The following KIAA0825 variants were observed in gnomAD, a reference collection of about 807,000 sequenced individuals.
KIAA0825 encodes KIAA0825.
A neutral mutation model predicts 147.6 loss-of-function variants in KIAA0825; 119 were observed. The ratio of observed to expected loss-of-function variants is 0.81; its 90% CI spans 0.69 to 0.94. KIAA0825 has a LOEUF of 0.94. Ranked by LOEUF, KIAA0825 falls within the 40% of genes least tolerant of loss-of-function variation. The pLI, the probability that KIAA0825 is intolerant of heterozygous loss-of-function variation, is 0.00. For missense variants in KIAA0825, 1,381 were observed against 1,472.7 expected, an observed-to-expected ratio of 0.94 and a Z score of 1.02; for synonymous variants, 470 against 518.1, an observed-to-expected ratio of 0.91 and a Z score of 1.26.
At chr5:94,421,337 A>G (rs1263553744) in intron 14 of KIAA0825, among the ~76,000 whole-genome samples, 4 of 152,246 alleles carry the variant, frequency 2.6e-5, no homozygotes, top group African/African-American at 4.8e-5. Flanking sequence ...TTCCAGCCAC[A>G]CTGCTTTTTA....
intron 13 of KIAA0825, among the ~76,000 whole-genome samples, chr5:94,440,710 T>C (rs564761390): frequency 1.3e-5 from 2 of 152,156 alleles, no homozygotes; most frequent in South Asian, 4.1e-4. Context: ...AGGGAAAGAA[T>C]TCCGAGGCAA....
intron 20 of KIAA0825, among the ~76,000 whole-genome samples, chr5:94,365,067 G>C (rs569606069): frequency 1.3e-5 from 2 of 152,082 alleles, no homozygotes; most frequent in Non-Finnish European, 2.9e-5. Flanking sequence ...TAGGGTGGGC[G>C]GCTATGTAAA....
At chr5:94,405,491 C>T (rs1486286227) in intron 15 of KIAA0825, among the ~76,000 whole-genome samples, 1 of 152,144 alleles carries the variant, frequency 6.6e-6, no homozygotes, top group Non-Finnish European at 1.5e-5. Context: ...GAAACAAGGT[C>T]TCCAGATAAA....
intron 20 of KIAA0825, among the ~76,000 whole-genome samples, chr5:94,234,836 T>G (rs1454039253): frequency 1.3e-5 from 2 of 152,166 alleles, no homozygotes; most frequent in South Asian, 2.1e-4. Flanking sequence ...CAATTCGACA[T>G]GAGATCTGGG....
Position 94,346,853 on chromosome 5 carries a change from C to A in KIAA0825, c.3710+37515G>T, listed in dbSNP as rs771844261. ...AGGGCACAAATCCAGCGTGCGTACT[C>A]CACAGGTGGGGGACGAACCAAGCCC... On this transcript the variant is annotated intron_variant, in intron 20 of 20. Transcript: ENST00000682413. Among the ~76,000 whole-genome samples, 12 of 152,330 alleles carry A rather than the reference C, an allele frequency of 7.9e-5. No homozygotes were observed. The South Asian group carries it at 2.5e-3, about 32-fold the overall frequency.
At chr5:94,583,426 C>A (rs1218569654) in intron 1 of KIAA0825, among the ~76,000 whole-genome samples, 1 of 152,182 alleles carries the variant, frequency 6.6e-6, no homozygotes, top group Admixed American at 6.5e-5. Flanking sequence ...CTGAGATCGA[C>A]CTGGGATGCT....
intron 5 of KIAA0825, among the ~76,000 whole-genome samples, chr5:94,488,235 C>T (rs1584655074): frequency 6.6e-6 from 1 of 152,182 alleles, no homozygotes; most frequent in Non-Finnish European, 1.5e-5. Flanking sequence ...AGTTCTTCTT[C>T]CCCCACTAAG....
At chr5:94,449,051 A>G (rs529324483) in intron 13 of KIAA0825, among the ~76,000 whole-genome samples, 14 of 152,286 alleles carry the variant, frequency 9.2e-5, no homozygotes, top group African/African-American at 2.6e-4. Flanking sequence ...TCCTCCTAAC[A>G]TAACTTGCAT....
chr5:94,446,254 A>G, intron 13 of KIAA0825, among the ~76,000 whole-genome samples: 1 of 152,218 alleles, frequency 6.6e-6, no homozygotes, highest in Non-Finnish European at 1.5e-5. Flanking sequence ...ATGCTAAACC[A>G]TGGAGACGTA....
chr5:94,369,435 CT>C (rs1476529739), intron 20 of KIAA0825, among the ~76,000 whole-genome samples: 2 of 152,156 alleles, frequency 1.3e-5, no homozygotes, highest in African/African-American at 4.8e-5. Flanking sequence ...TGCCCAGCCC[CT>C]GAAGGCATTT....
At chr5:94,336,401 C>T (rs1781796156) in intron 20 of KIAA0825, among the ~76,000 whole-genome samples, 1 of 151,244 alleles carries the variant, frequency 6.6e-6, no homozygotes, top group Admixed American at 6.6e-5. Context: ...CTAATGCTAT[C>T]CCTCCCCTAG....
At chr5:94,481,574 AT>A (rs1762502792) in intron 6 of KIAA0825, among the ~76,000 whole-genome samples, 1 of 152,056 alleles carries the variant, frequency 6.6e-6, no homozygotes, top group Admixed American at 6.6e-5. Flanking sequence ...CACCTTGCAA[AT>A]TTCCAATGTG....
chr5:94,552,028 C>T lies in KIAA0825; in HGVS notation c.-1-14901G>A, dbSNP rs137965948. Among the ~76,000 whole-genome samples the T allele has an allele frequency of 7.2e-5, 11 of 152,034 alleles. No homozygotes were observed. The East Asian group carries it at 2.1e-3, about 29-fold the overall frequency. ...CAACTATATACTGCCCACAAAAAAA[C>T]TACCCTCATCTGTAAAGACACACAG... is the stretch of plus-strand genomic sequence containing the variant. On this transcript the variant is annotated intron_variant, in intron 2 of 20. Coordinates refer to ENST00000682413, the MANE Select transcript of KIAA0825 (RefSeq NM_001145678.3).
At chr5:94,318,087 A>G (rs1779817234) in intron 20 of KIAA0825, among the ~76,000 whole-genome samples, 2 of 151,702 alleles carry the variant, frequency 1.3e-5, no homozygotes, top group Non-Finnish European at 2.9e-5. Flanking sequence ...AAGATTAGAG[A>G]GAGAATTAGT....
chr5:94,482,766 T>A (rs1454335502), intron 6 of KIAA0825, among the ~76,000 whole-genome samples: 2 of 152,018 alleles, frequency 1.3e-5, no homozygotes, highest in Non-Finnish European at 1.5e-5. Context: ...ACCAAAAAAA[T>A]ATGAATTTCA....
At chr5:94,154,760 C>T (rs10035340) in intron 20 of KIAA0825, among the ~76,000 whole-genome samples, 13,388 of 152,256 alleles carry the variant, frequency 0.088, 756 homozygotes, top group Middle Eastern at 0.16. Flanking sequence ...AGACTCTCAA[C>T]CTACATACAT....
At chr5:94,251,903 C>T (rs1238844949) in intron 20 of KIAA0825, among the ~76,000 whole-genome samples, 1 of 151,892 alleles carries the variant, frequency 6.6e-6, no homozygotes, top group African/African-American at 2.4e-5. Flanking sequence ...ATTTGGGTAC[C>T]ACTCTCTAAG....
chr5:94,434,362 A>C (rs1756079269), intron 14 of KIAA0825, among the ~76,000 whole-genome samples: 1 of 152,154 alleles, frequency 6.6e-6, no homozygotes, highest in Non-Finnish European at 1.5e-5. Context: ...CACTTATTTA[A>C]TTTTGTTATT....
intron 16 of KIAA0825, among the ~76,000 whole-genome samples, chr5:94,396,877 C>T (rs1750729690): frequency 6.6e-6 from 1 of 152,004 alleles, no homozygotes; most frequent in Admixed American, 6.6e-5. Context: ...AGCCCTTCTC[C>T]TCCTCCCTTG....
Sources: allele counts gnomAD v4.1 joint callset (sites outside exome capture counted in the v4.1 genomes callset), GRCh38; gene constraint gnomAD v4.1.1; transcripts MANE v1.5; gene names NCBI Gene and HGNC (gene_info 2026-07-23, HGNC 2026-07-21).